The following SPAG16 variants were observed in gnomAD, a reference collection of about 807,000 sequenced individuals.
The protein encoded by SPAG16 is sperm associated antigen 16.
In SPAG16, 86 loss-of-function variants were observed where a neutral mutation model predicts 80.4. The ratio of observed to expected loss-of-function variants is 1.07; its 90% CI spans 0.90 to 1.28. The LOEUF is 1.28. Among genes scored for constraint, SPAG16 ranks in the 50% most tolerant of loss-of-function variants. SPAG16 has a pLI of 0.00. For missense variants in SPAG16, 870 were observed against 765.3 expected (o/e 1.14, Z -1.61); for synonymous variants, 294 against 265.9 (o/e 1.11, Z -1.03).
At chr2:213,666,579 G>T (rs1416560437) in intron 10 of SPAG16, among the ~76,000 whole-genome samples, 1 of 152,128 alleles carries the variant, frequency 6.6e-6, no homozygotes, top group Non-Finnish European at 1.5e-5. Flanking sequence ...CATTACTAAT[G>T]TCCAATTGAC....
intron 15 of SPAG16, among the ~76,000 whole-genome samples, chr2:214,307,733 TTTGA>T (rs1695019529): frequency 6.6e-6 from 1 of 152,188 alleles, no homozygotes; most frequent in Non-Finnish European, 1.5e-5. Flanking sequence ...TGATTTCTAA[TTTGA>T]TTGTGCTATG....
intron 10 of SPAG16, among the ~76,000 whole-genome samples, chr2:213,824,007 T>C (rs930387318): frequency 6.6e-6 from 1 of 152,208 alleles, no homozygotes. Flanking sequence ...TCCTGAATGG[T>C]ATTGCCTAGG....
chr2:213,543,960 C>A (rs924403590), intron 10 of SPAG16, among the ~76,000 whole-genome samples: 1 of 151,990 alleles, frequency 6.6e-6, no homozygotes, highest in Non-Finnish European at 1.5e-5. Flanking sequence ...CTCTTTCAAG[C>A]CTTTTAATAG....
chr2:213,801,228 T>TGCGTGC (rs2071376602), intron 10 of SPAG16, among the ~76,000 whole-genome samples: 1 of 152,210 alleles, frequency 6.6e-6, no homozygotes, highest in East Asian at 1.9e-4. Context: ...CGTGTGTGTG[T>TGCGTGC]GCGTGCGCGC....
chr2:214,171,782 C>G (rs2056875920), intron 15 of SPAG16, among the ~76,000 whole-genome samples: 1 of 151,888 alleles, frequency 6.6e-6, no homozygotes. Context: ...ACTGGTGCAT[C>G]AAGTATCATA....
chr2:213,493,599 G>A (rs2074357232), intron 10 of SPAG16, among the ~76,000 whole-genome samples: 1 of 151,922 alleles, frequency 6.6e-6, no homozygotes, highest in South Asian at 2.1e-4. Flanking sequence ...TTTTTGAGAT[G>A]GAGTCTCGCT....
intron 13 of SPAG16, among the ~76,000 whole-genome samples, chr2:214,018,451 T>C (rs1179056151): frequency 6.6e-6 from 1 of 152,152 alleles, no homozygotes; most frequent in Non-Finnish European, 1.5e-5. Flanking sequence ...TAGTAAGAGA[T>C]TTTGAAAAGG....
rs967520554 is a variant in SPAG16 at position 214,041,133 on chromosome 2, C to G, written c.1527+27056C>G. 2.7e-5 allele frequency among the ~76,000 whole-genome samples: 4 copies of G among 150,918 alleles called. No homozygotes were observed. The East Asian group carries it at 7.8e-4, about 29-fold the overall frequency. ...TCTTTCTTGGGTATCTCGTAATTTA[C>G]TTTTTCTGATATGATTTTGTCTTTT... On this transcript the variant is annotated intron_variant, in intron 13 of 15. Coordinates refer to ENST00000331683, the MANE Select transcript of SPAG16 (RefSeq NM_024532.5).
intron 9 of SPAG16, among the ~76,000 whole-genome samples, chr2:213,433,431 A>T (rs2070425595): frequency 6.6e-6 from 1 of 152,244 alleles, no homozygotes; most frequent in Admixed American, 6.5e-5. Context: ...ATTTACAAAA[A>T]TCTGTAGCAT....
chr2:213,943,717 T>G (rs1238097624), intron 12 of SPAG16, among the ~76,000 whole-genome samples: 1 of 152,142 alleles, frequency 6.6e-6, no homozygotes, highest in Non-Finnish European at 1.5e-5. Flanking sequence ...AAGGAATCAT[T>G]AAGCAAAAAG....
chr2:214,388,714 A>G (rs1050382029), intron 15 of SPAG16, among the ~76,000 whole-genome samples: 1 of 152,222 alleles, frequency 6.6e-6, no homozygotes, highest in African/African-American at 2.4e-5. Context: ...CTGGGTGGGG[A>G]ACAAAAGCAT....
intron 15 of SPAG16, among the ~76,000 whole-genome samples, chr2:214,260,085 T>A (rs1402759742): frequency 6.6e-6 from 1 of 152,162 alleles, no homozygotes; most frequent in Non-Finnish European, 1.5e-5. Flanking sequence ...ACTTAAAGAT[T>A]TTTGTTCTGA....
intron 14 of SPAG16, among the ~76,000 whole-genome samples, chr2:214,115,013 TCAGTATC>T (rs965866882): frequency 1.3e-5 from 2 of 152,350 alleles, no homozygotes; most frequent in African/African-American, 4.8e-5. Flanking sequence ...TAGCTCCAAA[TCAGTATC>T]CCACAGCCTC....
intron 10 of SPAG16, among the ~76,000 whole-genome samples, chr2:213,551,504 A>G (rs2076778954): frequency 6.6e-6 from 1 of 152,210 alleles, no homozygotes. Context: ...GAGTATCAGA[A>G]ATGTTCTGGC....
intron 12 of SPAG16, among the ~76,000 whole-genome samples, chr2:213,969,800 G>A (rs778119163): frequency 8.6e-5 from 13 of 151,786 alleles, no homozygotes; most frequent in South Asian, 2.1e-4. Context: ...TTAATAAACC[G>A]AGTGTGTGTA....
At chr2:213,995,408 T>C (rs2046469437) in intron 12 of SPAG16, among the ~76,000 whole-genome samples, 1 of 152,218 alleles carries the variant, frequency 6.6e-6, no homozygotes, top group Admixed American at 6.5e-5. Context: ...TCCTAACTCC[T>C]TTCTCTTCTT....
At chr2:213,845,073 A>C in intron 10 of SPAG16, among the ~76,000 whole-genome samples, 1 of 152,176 alleles carries the variant, frequency 6.6e-6, no homozygotes, top group Non-Finnish European at 1.5e-5. Context: ...TGTGATTCTA[A>C]ATGCTGTCAT....
intron 11 of SPAG16, among the ~76,000 whole-genome samples, chr2:213,925,538 G>T (rs565346438): frequency 6.6e-6 from 1 of 152,046 alleles, no homozygotes. Flanking sequence ...TTTTAGTAGG[G>T]ATATGGTTTC....
intron 10 of SPAG16, among the ~76,000 whole-genome samples, chr2:213,552,638 TA>T (rs35030080): frequency 6.6e-6 from 1 of 152,216 alleles, no homozygotes; most frequent in Non-Finnish European, 1.5e-5. Context: ...TTGTGATGTT[TA>T]ATATTGAGTG....
Sources: allele counts gnomAD v4.1 joint callset (sites outside exome capture counted in the v4.1 genomes callset), GRCh38; gene constraint gnomAD v4.1.1; transcripts MANE v1.5; gene names NCBI Gene and HGNC (gene_info 2026-07-23, HGNC 2026-07-21).